The following PREX1 variants were observed in gnomAD, a reference collection of about 807,000 sequenced individuals.
PREX1 encodes the protein phosphatidylinositol 3,4,5-trisphosphate-dependent Rac exchanger 1 protein.
In PREX1, 41 loss-of-function variants were observed where a neutral mutation model predicts 198.3. That is an observed-to-expected ratio of 0.21 (90% CI 0.16 to 0.27). The LOEUF (loss-of-function observed/expected upper bound fraction) is 0.27. Among genes scored for constraint, PREX1 ranks in the 10% least tolerant of loss-of-function variants. PREX1 has a pLI of 1.00. For missense variants in PREX1, 1,620 were observed against 2,200.7 expected, an observed-to-expected ratio of 0.74 and a Z score of 5.28; for synonymous variants, 843 against 887.2, an observed-to-expected ratio of 0.95 and a Z score of 0.89.
intron 1 of PREX1, among the ~76,000 whole-genome samples, chr20:48,810,540 C>T (rs1027050722): frequency 2.0e-5 from 3 of 149,356 alleles, no homozygotes; most frequent in Non-Finnish European, 4.4e-5. Flanking sequence ...TATGATCACA[C>T]CACTGCACTC....
chr20:48,756,984 T>C (rs973527424), intron 1 of PREX1, among the ~76,000 whole-genome samples: 4 of 152,082 alleles, frequency 2.6e-5, no homozygotes, highest in African/African-American at 9.7e-5. Flanking sequence ...TGAGACTTAC[T>C]CACTATCACG....
Position 48,651,363 on chromosome 20 carries a change from G to A in PREX1, c.2655+33C>T, listed in dbSNP as rs768062573. ...AGAGAAACTGGCTTCAATCCCCCAG[G>A]GTAGGGCAGGGCCAGGCAGTGCCCA... On this transcript the variant is annotated intron_variant, in intron 22 of 39. Coordinates refer to ENST00000371941, the MANE Select transcript of PREX1 (RefSeq NM_020820.4). 5.7e-6 allele frequency: 9 copies of A among 1,566,256 alleles called. No individual in the cohort carries two copies. In the Admixed American group the frequency reaches 7.2e-5, roughly 13 times the overall value.
At chr20:48,858,667 G>A in the PREX1 span, among the ~76,000 whole-genome samples, 2 of 152,122 alleles carry the variant, frequency 1.3e-5, no homozygotes, top group Non-Finnish European at 2.9e-5. Context: ...AGGATCCCAG[G>A]GTGAGTCTGG....
chr20:48,714,408 CA>C (rs1348096181), intron 5 of PREX1, among the ~76,000 whole-genome samples: 2 of 152,108 alleles, frequency 1.3e-5, no homozygotes, highest in East Asian at 3.8e-4. Flanking sequence ...AGAACCCTTA[CA>C]ACTTAACAAC....
chr20:48,767,517 C>T (rs1419362421), intron 1 of PREX1, among the ~76,000 whole-genome samples: 9 of 150,872 alleles, frequency 6.0e-5, no homozygotes, highest in Admixed American at 5.9e-4. Flanking sequence ...CAGTTTCCAC[C>T]TAACTCAGAG....
intron 15 of PREX1, among the ~76,000 whole-genome samples, chr20:48,660,619 G>C (rs185560469): frequency 6.6e-6 from 1 of 152,292 alleles, no homozygotes; most frequent in Non-Finnish European, 1.5e-5. Flanking sequence ...AGAAGAAAAG[G>C]AGTCTGTGTA....
intron 14 of PREX1, among the ~76,000 whole-genome samples, chr20:48,672,235 T>G (rs1384089835): frequency 6.6e-6 from 1 of 152,238 alleles, no homozygotes; most frequent in Non-Finnish European, 1.5e-5. Flanking sequence ...CAATGGCAGC[T>G]CAAGCCAAAG....
Position 48,630,193 on chromosome 20 carries a change from A to C in PREX1, c.4593+535T>G, listed in dbSNP as rs185553979. Reference sequence around the variant, plus strand: ...GCCTGCCTGACCCTAGAAAACCAGGAGGCCAAAAGACATGTGTTGAGGGTC... The same window carrying C: ...GCCTGCCTGACCCTAGAAAACCAGGCGGCCAAAAGACATGTGTTGAGGGTC... On this transcript the variant is annotated intron_variant, in intron 36 of 39. Transcript: ENST00000371941. Among the ~76,000 whole-genome samples the C allele has an allele frequency of 2.0e-3, 297 of 152,278 alleles. 2 individuals carry two copies. Among genetic ancestry groups the C allele is most frequent in the African/African-American group, 6.9e-3 (287 of 41,560 alleles).
At chr20:48,669,424 C>T (rs1201617301) in intron 14 of PREX1, among the ~76,000 whole-genome samples, 1 of 152,212 alleles carries the variant, frequency 6.6e-6, no homozygotes, top group Admixed American at 6.5e-5. Context: ...CCCATGTATA[C>T]ATTTTGCTTA....
intron 18 of PREX1, 117 bp from the exon 19 acceptor site, chr20:48,655,492 C>A: frequency 1.2e-6 from 1 of 867,462 alleles, no homozygotes; most frequent in Non-Finnish European, 1.7e-6. Flanking sequence ...AAATTCAGCC[C>A]AAAATAGTAG....
chr20:48,881,875 C>T, the PREX1 span, among the ~76,000 whole-genome samples: 12 of 152,292 alleles, frequency 7.9e-5, no homozygotes, highest in African/African-American at 2.6e-4. Context: ...TCATCACTCT[C>T]AAAAGAAACC....
chr20:48,848,859 C>T, the PREX1 span, among the ~76,000 whole-genome samples: 1 of 152,192 alleles, frequency 6.6e-6, no homozygotes, highest in Admixed American at 6.5e-5. Flanking sequence ...GCCTCACCCT[C>T]CTGAGTAGCT....
chr20:48,695,768 CTTATAGCAGA>C (rs1168761112), intron 7 of PREX1, among the ~76,000 whole-genome samples: 2 of 152,162 alleles, frequency 1.3e-5, no homozygotes, highest in African/African-American at 4.8e-5. Context: ...TTCTTAATTA[CTTATAGCAGA>C]GGTTGGCAAT....
intron 32 of PREX1, 98 bp downstream of exon 32, chr20:48,636,365 G>A (rs2089363133): frequency 8.0e-6 from 10 of 1,250,674 alleles, no homozygotes; most frequent in Non-Finnish European, 9.8e-6. Context: ...ACGAGGCCAG[G>A]GGGAGCCTGA....
intron 33 of PREX1, among the ~76,000 whole-genome samples, chr20:48,632,917 T>G (rs4810845): frequency 0.079 from 11,982 of 152,232 alleles, 567 homozygotes; most frequent in South Asian, 0.15. Context: ...TTCCGCTGCT[T>G]AATTCTTGAA....
chr20:48,798,957 C>T (rs1323116857), intron 1 of PREX1, among the ~76,000 whole-genome samples: 1 of 152,112 alleles, frequency 6.6e-6, no homozygotes, highest in Non-Finnish European at 1.5e-5. Flanking sequence ...AGTGCAATGG[C>T]GAGATCTCGG....
At chr20:48,887,336 G>T in the PREX1 span, among the ~76,000 whole-genome samples, 1 of 152,208 alleles carries the variant, frequency 6.6e-6, no homozygotes, top group Non-Finnish European at 1.5e-5. Context: ...ACTTTGGGAG[G>T]CCAAGGCATG....
chr20:48,710,958 T>C (rs139561809), intron 5 of PREX1, among the ~76,000 whole-genome samples: 4 of 152,246 alleles, frequency 2.6e-5, no homozygotes, highest in African/African-American at 9.6e-5. Context: ...GAGGCCGCAG[T>C]GGGGTGTTTG....
At position 48,658,132 on chromosome 20, in the gene PREX1, TC is replaced by T; in HGVS notation, c.1974+3del. On this transcript the variant is annotated splice_donor_region_variant and intron_variant, in intron 17 of 39. Transcript: ENST00000371941. ...GTCCCTGCCAGCTCCCCCGAGGGCC[TC>T]ACCTCAGCCAGCGAGCCCCTCTGGA... The T allele has an allele frequency of 6.2e-7, 1 of 1,612,392 alleles. No individual in the cohort carries two copies.
Sources: allele counts gnomAD v4.1 joint callset (sites outside exome capture counted in the v4.1 genomes callset), GRCh38; gene constraint gnomAD v4.1.1; transcripts MANE v1.5; gene names NCBI Gene and HGNC (gene_info 2026-07-23, HGNC 2026-07-21).